KIF6: variants seen among roughly 807,000 people sequenced by gnomAD.
KIF6 encodes kinesin-like protein KIF6.
Under a neutral mutation model 112.7 loss-of-function variants are expected in KIF6, and 106 were observed. The observed-to-expected ratio is 0.94, with a 90% CI of 0.80 to 1.11. The LOEUF (loss-of-function observed/expected upper bound fraction) is 1.11, where lower values mean the gene tolerates loss of function less well. Ranked by LOEUF, KIF6 falls within the 50% of genes least tolerant of loss-of-function variation. The pLI is 0.00. For synonymous variants in KIF6, 339 were observed against 339.9 expected (o/e 1.00, Z 0.03); for missense variants, 929 against 964.0 (o/e 0.96, Z 0.48).
At chr6:39,468,230 C>T (rs1773911818) in intron 13 of KIF6, among the ~76,000 whole-genome samples, 1 of 151,562 alleles carries the variant, frequency 6.6e-6, no homozygotes, top group African/African-American at 2.4e-5. Context: ...AAATGTGGGG[C>T]ACCACTGAGG....
intron 1 of KIF6, among the ~76,000 whole-genome samples, 160 bp downstream of exon 1, chr6:39,725,085 C>A (rs1245934912): frequency 3.3e-5 from 5 of 152,108 alleles, no homozygotes; most frequent in South Asian, 2.1e-4. Context: ...CGGGGGTCTT[C>A]GCGGCTGCAG....
chr6:39,504,026 T>C (rs1213437988), intron 13 of KIF6, among the ~76,000 whole-genome samples: 2 of 152,144 alleles, frequency 1.3e-5, no homozygotes, highest in African/African-American at 2.4e-5. Context: ...ATCATCCTGA[T>C]GCCAAAACCT....
chr6:39,439,351 T>G (rs969930851), intron 13 of KIF6, among the ~76,000 whole-genome samples: 2 of 152,116 alleles, frequency 1.3e-5, no homozygotes, highest in African/African-American at 4.8e-5. Context: ...GTTGTTTGCT[T>G]TTAGTGAATT....
At chr6:39,689,137 A>T (rs1315198202) in intron 3 of KIF6, among the ~76,000 whole-genome samples, 2 of 152,164 alleles carry the variant, frequency 1.3e-5, no homozygotes, top group African/African-American at 2.4e-5. Context: ...AGAAAAGACA[A>T]GGAAAGAAAA....
Position 39,343,812 on chromosome 6 carries a change from G to C in KIF6, c.2325C>G (p.Ile775Met). Residue 775 changes from isoleucine to methionine, a missense_variant, in exon 22 of 23, where the codon ATC becomes ATG. Physicochemically the swap from Ile to Met is conservative, Grantham distance 10. Transcript: ENST00000287152. This position sits in a 1 kb window ranked among gnomAD's most constrained non-coding sequence, Gnocchi z 4.1. ...SSTSTPLEDS[I>M]PKRPVSSIPL... Reference sequence around the variant, plus strand: ...GGATGGACGACACTGGCCTCTTGGGGATGCTGGAGGCAACCACGTGTCACA... The same window carrying C: ...GGATGGACGACACTGGCCTCTTGGGCATGCTGGAGGCAACCACGTGTCACA... 5.1e-6 allele frequency: 8 copies of C among 1,584,088 alleles called. No homozygotes were observed. Among genetic ancestry groups the C allele is most frequent in the Non-Finnish European group, 6.9e-6 (8 of 1,162,472 alleles).
chr6:39,445,898 T>G (rs969352051), intron 13 of KIF6, among the ~76,000 whole-genome samples: 1 of 152,196 alleles, frequency 6.6e-6, no homozygotes, highest in Non-Finnish European at 1.5e-5. Context: ...CAAGCTCAAG[T>G]GGCCACTGGG....
Position 39,544,566 on chromosome 6 carries a change from T to C in KIF6, c.1415A>G (p.Asp472Gly), listed in dbSNP as rs1265831807. Residue 472 changes from aspartate (D) to glycine (G), a missense_variant, in exon 12 of 23, where the codon GAT (aspartate) becomes GGT (glycine). Coordinates refer to ENST00000287152, the MANE Select transcript of KIF6 (RefSeq NM_145027.6). The part of the protein sequence containing the change: ...RKLRDILKQR[D>G]NEINILVNML... The stretch of plus-strand genomic sequence containing the variant: ...TTCAGAAAGGATACTGATTTCGTTA[T>C]CTCTCTGTTTCAGAATATCTCGTAG... 13 of 1,611,688 alleles carry C rather than the reference T, an allele frequency of 8.1e-6. No individual in the cohort carries two copies. The highest frequency in any genetic ancestry group is 1.1e-5 in the South Asian group (1 of 90,514).
intron 6 of KIF6, among the ~76,000 whole-genome samples, chr6:39,604,403 G>T (rs572255373): frequency 2.0e-5 from 3 of 152,120 alleles, no homozygotes; most frequent in Non-Finnish European, 2.9e-5. Flanking sequence ...GGTTTAGCAC[G>T]TGACCCTACA....
chr6:39,617,869 T>TA, intron 5 of KIF6: 1 of 398,144 alleles, frequency 2.5e-6, no homozygotes, highest in East Asian at 7.3e-5. Flanking sequence ...GTTGTAAACA[T>TA]AGTCCCAACA....
intron 3 of KIF6, among the ~76,000 whole-genome samples, chr6:39,646,280 A>G (rs1785168396): frequency 6.6e-6 from 1 of 152,116 alleles, no homozygotes; most frequent in South Asian, 2.1e-4. Context: ...AAAACAAGAC[A>G]TGAATTATAG....
At chr6:39,562,194 A>G (rs1320828782) in intron 10 of KIF6, among the ~76,000 whole-genome samples, 2 of 152,232 alleles carry the variant, frequency 1.3e-5, no homozygotes. Context: ...TTACTTCTAC[A>G]TAAACTGTCT....
In KIF6 at chr6:39,462,336, A is replaced by T. The variant is rs77105394; in HGVS notation, c.1646-31175T>A. Among the ~76,000 whole-genome samples, 37 of 152,364 alleles carry T rather than the reference A, an allele frequency of 2.4e-4. No individual in the cohort carries two copies. The East Asian group carries it at 4.8e-3, about 20-fold the overall frequency. On this transcript the variant is annotated intron_variant, in intron 13 of 22. Coordinates refer to ENST00000287152, the MANE Select transcript of KIF6 (RefSeq NM_145027.6). The stretch of plus-strand genomic sequence containing the variant: ...TGTCTGGAGCTATAGGAAACATCTT[A>T]TCACCATGAGGCAAACTCATATGAA...
chr6:39,477,315 A>C (rs1368532903), intron 13 of KIF6, among the ~76,000 whole-genome samples: 1 of 152,198 alleles, frequency 6.6e-6, no homozygotes, highest in Non-Finnish European at 1.5e-5. Flanking sequence ...ATCTCTGTAA[A>C]ACTTATAAAT....
chr6:39,692,515 C>G (rs557098880), intron 3 of KIF6, among the ~76,000 whole-genome samples: 6 of 152,158 alleles, frequency 3.9e-5, no homozygotes, highest in African/African-American at 1.4e-4. Flanking sequence ...GAATCACGCA[C>G]AGGAAGAATT....
At chr6:39,725,199 CCAA>C (rs774839691) in intron 1 of KIF6, 43 bp downstream of exon 1, 1 of 1,560,832 alleles carries the variant, frequency 6.4e-7, no homozygotes, top group Non-Finnish European at 8.8e-7. Flanking sequence ...CGACCCCAGC[CCAA>C]GAGGCCCCGC....
At chr6:39,471,449 C>G (rs1205603732) in intron 13 of KIF6, among the ~76,000 whole-genome samples, 1 of 152,192 alleles carries the variant, frequency 6.6e-6, no homozygotes, top group African/African-American at 2.4e-5. Context: ...GGCAAGGACA[C>G]TGGTCACAGG....
At chr6:39,438,818 C>T (rs897975884) in intron 13 of KIF6, among the ~76,000 whole-genome samples, 1 of 152,214 alleles carries the variant, frequency 6.6e-6, no homozygotes, top group African/African-American at 2.4e-5. Context: ...ACTGGCTCAC[C>T]CAAACCAACT....
At chr6:39,535,627 C>T (rs934436483) in intron 13 of KIF6, among the ~76,000 whole-genome samples, 8 of 152,158 alleles carry the variant, frequency 5.3e-5, no homozygotes, top group African/African-American at 1.7e-4. Context: ...GACTTTAACA[C>T]CCCACTGTCA....
At chr6:39,661,378 A>C (rs1428958200) in intron 3 of KIF6, among the ~76,000 whole-genome samples, 2 of 152,226 alleles carry the variant, frequency 1.3e-5, no homozygotes, top group East Asian at 3.8e-4. Context: ...GTCATACAGC[A>C]CAAAGTTAAG....
Sources: allele counts gnomAD v4.1 joint callset (sites outside exome capture counted in the v4.1 genomes callset), GRCh38; gene constraint gnomAD v4.1.1; non-coding constraint Gnocchi (gnomAD v3.1); transcripts MANE v1.5; gene names NCBI Gene and HGNC (gene_info 2026-07-23, HGNC 2026-07-21).